Variants in ERC2 observed in about 807,000 individuals in gnomAD.
The protein encoded by ERC2 is ERC protein 2.
ERC2 carries 42 observed loss-of-function variants against 114.8 expected under a neutral mutation model. The observed-to-expected ratio is 0.37, with a 90% confidence interval of 0.29 to 0.47. The LOEUF is 0.47. Ranked by LOEUF, ERC2 falls within the 20% of genes least tolerant of loss-of-function variation. ERC2 has a pLI of 0.99. For synonymous variants in ERC2, 454 were observed against 425.5 expected (o/e 1.07, Z -0.82); for missense variants, 939 against 1,150.7 (o/e 0.82, Z 2.66).
intron 14 of ERC2, among the ~76,000 whole-genome samples, chr3:55,804,195 C>G (rs1405544795): frequency 6.6e-6 from 1 of 152,178 alleles, no homozygotes; most frequent in East Asian, 1.9e-4. Context: ...ATCCCTCTCA[C>G]ATCCTCTTGG....
intron 3 of ERC2, among the ~76,000 whole-genome samples, chr3:56,188,736 C>T (rs1029683019): frequency 1.3e-5 from 2 of 152,162 alleles, no homozygotes; most frequent in Non-Finnish European, 2.9e-5. Flanking sequence ...CTTCTCTCTC[C>T]CAGCCTAAAT....
chr3:56,410,186 AAAATGTC>A (rs1218302783), intron 2 of ERC2, among the ~76,000 whole-genome samples: 1 of 152,248 alleles, frequency 6.6e-6, no homozygotes, highest in African/African-American at 2.4e-5. Flanking sequence ...AGCTGTATCC[AAAATGTC>A]AAATTTTGGG....
intron 6 of ERC2, among the ~76,000 whole-genome samples, chr3:56,086,956 G>C (rs2149775113): frequency 6.6e-6 from 1 of 152,074 alleles, no homozygotes. Context: ...TTAAACTTTG[G>C]CAGTTGACTC....
At chr3:55,656,130 G>C (rs746495562) in intron 17 of ERC2, among the ~76,000 whole-genome samples, 80 of 105,958 alleles carry the variant, frequency 7.6e-4, no homozygotes, top group Non-Finnish European at 9.3e-4. Context: ...TTATTTTTCT[G>C]AGTTTTGATT....
intron 14 of ERC2, among the ~76,000 whole-genome samples, chr3:55,847,859 T>C (rs1244979487): frequency 1.3e-5 from 2 of 152,118 alleles, no homozygotes; most frequent in African/African-American, 2.4e-5. Flanking sequence ...AGTGCGGTGG[T>C]GCGATCACAG....
intron 14 of ERC2, among the ~76,000 whole-genome samples, chr3:55,812,176 C>T (rs1037460226): frequency 3.3e-5 from 5 of 152,150 alleles, no homozygotes; most frequent in African/African-American, 9.7e-5. Context: ...TATCTGAAAT[C>T]GGAAGCTGTG....
chr3:55,978,596 G>A (rs1415506026), intron 12 of ERC2, among the ~76,000 whole-genome samples: 1 of 152,178 alleles, frequency 6.6e-6, no homozygotes, highest in Non-Finnish European at 1.5e-5. Context: ...GCCACTTACT[G>A]AGCATCTCCT....
At chr3:56,437,919 C>G (rs1003042707) in intron 1 of ERC2, among the ~76,000 whole-genome samples, 7 of 152,194 alleles carry the variant, frequency 4.6e-5, no homozygotes, top group African/African-American at 1.7e-4. Flanking sequence ...TTGTAAAACA[C>G]ACAAATACAC....
intron 16 of ERC2, 84 bp from the exon 17 acceptor site, chr3:55,683,943 G>A: frequency 7.0e-7 from 1 of 1,434,004 alleles, no homozygotes; most frequent in South Asian, 1.2e-5. Flanking sequence ...ACACCGAGAT[G>A]CACTGGAAAG....
intron 10 of ERC2, among the ~76,000 whole-genome samples, chr3:56,004,102 C>T (rs2072285434): frequency 6.6e-6 from 1 of 151,968 alleles, no homozygotes; most frequent in African/African-American, 2.4e-5. Flanking sequence ...ACTCCCTCCT[C>T]AGGTATAATA....
At chr3:55,554,997 C>G (rs994565411) in intron 17 of ERC2, among the ~76,000 whole-genome samples, 1 of 152,190 alleles carries the variant, frequency 6.6e-6, no homozygotes, top group Admixed American at 6.5e-5. Flanking sequence ...ACAGAAACTT[C>G]ACCAGCGATT....
intron 17 of ERC2, among the ~76,000 whole-genome samples, chr3:55,517,832 T>A (rs1156788234): frequency 6.6e-6 from 1 of 152,246 alleles, no homozygotes; most frequent in African/African-American, 2.4e-5. Flanking sequence ...ATATCTGCCA[T>A]TTAACACAAG....
intron 17 of ERC2, among the ~76,000 whole-genome samples, chr3:55,556,111 G>T (rs1042225796): frequency 4.6e-5 from 7 of 152,124 alleles, no homozygotes; most frequent in Admixed American, 3.3e-4. Context: ...TTTCAATTTG[G>T]CTGAGAAGGA....
intron 2 of ERC2, among the ~76,000 whole-genome samples, chr3:56,368,093 C>T (rs1337665166): frequency 6.6e-6 from 1 of 151,048 alleles, no homozygotes; most frequent in Non-Finnish European, 1.5e-5. Context: ...AATCATACTC[C>T]AAACCTGTGT....
At chr3:56,137,849 G>C (rs1349880672) in intron 6 of ERC2, among the ~76,000 whole-genome samples, 1 of 152,098 alleles carries the variant, frequency 6.6e-6, no homozygotes, top group East Asian at 1.9e-4. Context: ...AATTTCACTG[G>C]ATTTTAATTA....
chr3:56,344,479 G>T (rs1036319761), intron 2 of ERC2, among the ~76,000 whole-genome samples: 1 of 152,140 alleles, frequency 6.6e-6, no homozygotes, highest in African/African-American at 2.4e-5. Flanking sequence ...TGCTCAGGGT[G>T]AAGAGCCAGG....
At chr3:56,446,297 G>A (rs1399009638) in intron 1 of ERC2, among the ~76,000 whole-genome samples, 5 of 152,158 alleles carry the variant, frequency 3.3e-5, no homozygotes, top group Non-Finnish European at 7.4e-5. Flanking sequence ...GTCCAGGCTG[G>A]TGATTGGGAC....
At chr3:55,792,474 G>A (rs1471418033) in intron 14 of ERC2, among the ~76,000 whole-genome samples, 2 of 152,126 alleles carry the variant, frequency 1.3e-5, no homozygotes, top group Non-Finnish European at 2.9e-5. Context: ...AATTAAGAGA[G>A]CAGATCACTT....
At chr3:55,915,748 A>G (rs1275249724) in intron 13 of ERC2, among the ~76,000 whole-genome samples, 1 of 152,274 alleles carries the variant, frequency 6.6e-6, no homozygotes, top group Non-Finnish European at 1.5e-5. Context: ...AATTAAGATC[A>G]TCGAGGGGAG....
Sources: allele counts gnomAD v4.1 joint callset (sites outside exome capture counted in the v4.1 genomes callset), GRCh38; gene constraint gnomAD v4.1.1; transcripts MANE v1.5; gene names NCBI Gene and HGNC (gene_info 2026-07-23, HGNC 2026-07-21).